The following EPB41L2 variants were observed in gnomAD, a reference collection of about 807,000 sequenced individuals.
EPB41L2 encodes the protein erythrocyte membrane protein band 4.1 like 2.
EPB41L2 carries 43 observed loss-of-function variants against 113.0 expected under a neutral mutation model. That is an observed-to-expected ratio of 0.38 (90% CI 0.30 to 0.49). The LOEUF (loss-of-function observed/expected upper bound fraction) is 0.49. Ranked by LOEUF, EPB41L2 falls within the 20% of genes least tolerant of loss-of-function variation. EPB41L2 has a pLI of 0.95. For synonymous variants in EPB41L2, 442 were observed against 436.7 expected (o/e 1.01, Z -0.15); for missense variants, 1,147 against 1,223.4 (o/e 0.94, Z 0.93).
chr6:131,025,764 C>T (rs775056396), intron 1 of EPB41L2, among the ~76,000 whole-genome samples: 2 of 152,186 alleles, frequency 1.3e-5, no homozygotes, highest in Non-Finnish European at 2.9e-5. Context: ...TATGGAAATA[C>T]CGTACAAGCA....
intron 3 of EPB41L2, among the ~76,000 whole-genome samples, chr6:130,937,223 G>T (rs79123261): frequency 6.6e-6 from 1 of 152,108 alleles, no homozygotes; most frequent in African/African-American, 2.4e-5. Flanking sequence ...ACAATGACAC[G>T]TATCCACGAT....
chr6:130,894,073 G>A (rs1396670253), intron 10 of EPB41L2, among the ~76,000 whole-genome samples: 5 of 152,152 alleles, frequency 3.3e-5, no homozygotes. Flanking sequence ...GATGAGGCAA[G>A]GAGGGGAGAA....
chr6:130,855,377 T>A (rs1056927940), intron 19 of EPB41L2, among the ~76,000 whole-genome samples: 1 of 151,936 alleles, frequency 6.6e-6, no homozygotes, highest in Non-Finnish European at 1.5e-5. Flanking sequence ...AATAAAACCA[T>A]TAGGGAAATA....
chr6:131,030,872 T>A (rs187488329), intron 1 of EPB41L2, among the ~76,000 whole-genome samples: 26 of 149,144 alleles, frequency 1.7e-4, no homozygotes, highest in Admixed American at 6.0e-4. Context: ...GCTCAGGAGC[T>A]CGAGGACCAG....
chr6:130,853,106 CA>C (rs964979067), intron 19 of EPB41L2, among the ~76,000 whole-genome samples: 6 of 152,178 alleles, frequency 3.9e-5, no homozygotes, highest in African/African-American at 1.2e-4. Flanking sequence ...CATGGGAAAA[CA>C]GCAGACGATA....
intron 8 of EPB41L2, among the ~76,000 whole-genome samples, chr6:130,898,439 C>T (rs965016712): frequency 2.0e-5 from 3 of 152,048 alleles, no homozygotes; most frequent in Non-Finnish European, 4.4e-5. Context: ...CTTTTAAAAG[C>T]AGGCTACCAT....
At chr6:130,910,243 A>T (rs1415753929) in intron 4 of EPB41L2, among the ~76,000 whole-genome samples, 1 of 152,208 alleles carries the variant, frequency 6.6e-6, no homozygotes, top group African/African-American at 2.4e-5. Flanking sequence ...CAACCATCTG[A>T]TTTTTGACAA....
intron 3 of EPB41L2, among the ~76,000 whole-genome samples, chr6:130,935,733 GT>G (rs1808565465): frequency 6.6e-6 from 1 of 152,162 alleles, no homozygotes; most frequent in Non-Finnish European, 1.5e-5. Flanking sequence ...GGCAGTTGTA[GT>G]TTTTATCTCC....
At chr6:130,988,586 G>A (rs923414103) in intron 1 of EPB41L2, among the ~76,000 whole-genome samples, 4 of 152,180 alleles carry the variant, frequency 2.6e-5, no homozygotes, top group Non-Finnish European at 4.4e-5. Flanking sequence ...CGAAGGGGCT[G>A]TAAATATGTA....
At position 130,956,151 on chromosome 6, in the gene EPB41L2, A is replaced by G; in HGVS notation, c.335T>C (p.Leu112Ser). ...PTQAVVEEQVLDKEEPLPEEQ... is the reference protein window; with the variant it reads ...PTQAVVEEQVSDKEEPLPEEQ... ...TTCTGGAAGGGGTTCCTCTTTATCT[A>G]AGACCTGTTCTTCAACAACAGCTTG... Residue 112 changes from leucine to serine, a missense_variant, in exon 2 of 20, where the codon TTA becomes TCA. Coordinates refer to ENST00000337057, the MANE Select transcript of EPB41L2 (RefSeq NM_001431.4). 2 of 1,614,066 alleles carry G rather than the reference A, an allele frequency of 1.2e-6. No homozygotes were observed. The highest frequency in any genetic ancestry group is 2.2e-5 in the East Asian group (1 of 44,882).
intron 4 of EPB41L2, among the ~76,000 whole-genome samples, chr6:130,918,711 A>G (rs1381025659): frequency 6.6e-6 from 1 of 151,862 alleles, no homozygotes; most frequent in African/African-American, 2.4e-5. Flanking sequence ...TCTCCATGAA[A>G]AATTTGTATA....
intron 3 of EPB41L2, among the ~76,000 whole-genome samples, chr6:130,937,587 G>A (rs776623253): frequency 1.5e-4 from 23 of 152,210 alleles, no homozygotes; most frequent in Non-Finnish European, 2.4e-4. Flanking sequence ...TTGGGAGGCC[G>A]AAGCAGGTGG....
chr6:130,954,075 C>T (rs1816489948), intron 3 of EPB41L2, among the ~76,000 whole-genome samples: 2 of 29,618 alleles, frequency 6.8e-5, no homozygotes, highest in African/African-American at 7.9e-5. Flanking sequence ...TTTTTTGAGA[C>T]GGAGTCTCGC....
chr6:131,014,382 G>A (rs1384392414), intron 1 of EPB41L2, among the ~76,000 whole-genome samples: 1 of 152,092 alleles, frequency 6.6e-6, no homozygotes, highest in African/African-American at 2.4e-5. Flanking sequence ...GAATCCCTTT[G>A]TATCCCATTT....
At chr6:130,930,546 C>T (rs1806475853) in intron 3 of EPB41L2, among the ~76,000 whole-genome samples, 1 of 152,136 alleles carries the variant, frequency 6.6e-6, no homozygotes, top group Admixed American at 6.6e-5. Flanking sequence ...CAACCTGTAC[C>T]ACCATCTGAC....
At chr6:130,955,359 C>T in intron 2 of EPB41L2, 42 bp from the exon 3 acceptor site, 1 of 1,579,186 alleles carries the variant, frequency 6.3e-7, no homozygotes, top group Non-Finnish European at 8.7e-7. Context: ...TAGTCAACCA[C>T]CTTGCAGATG....
At chr6:130,880,791 G>C in intron 12 of EPB41L2, 1 of 337,090 alleles carries the variant, frequency 3.0e-6, no homozygotes. Flanking sequence ...GAATATGAGA[G>C]TGCAAAAATG....
At chr6:130,857,893 T>C (rs758945500) in intron 19 of EPB41L2, among the ~76,000 whole-genome samples, 3 of 152,184 alleles carry the variant, frequency 2.0e-5, no homozygotes, top group Admixed American at 6.5e-5. Context: ...TAAAGCAATA[T>C]ATGAATGTCA....
chr6:130,909,712 G>T (rs528329324), intron 4 of EPB41L2, among the ~76,000 whole-genome samples: 1 of 152,050 alleles, frequency 6.6e-6, no homozygotes, highest in Non-Finnish European at 1.5e-5. Context: ...ATCAATGTGC[G>T]AAAATCACAA....
Sources: allele counts gnomAD v4.1 joint callset (sites outside exome capture counted in the v4.1 genomes callset), GRCh38; gene constraint gnomAD v4.1.1; transcripts MANE v1.5; gene names NCBI Gene and HGNC (gene_info 2026-07-23, HGNC 2026-07-21).